Variants in PLEKHM3 observed in about 807,000 individuals in gnomAD.
The protein encoded by PLEKHM3 is pleckstrin homology domain-containing family M member 3.
A neutral mutation model predicts 81.8 loss-of-function variants in PLEKHM3; 45 were observed. The ratio of observed to expected loss-of-function variants is 0.55; its 90% CI spans 0.43 to 0.71. PLEKHM3 has a LOEUF of 0.71. Ranked by LOEUF, PLEKHM3 falls within the 30% of genes least tolerant of loss-of-function variation. The pLI is 0.00. For missense variants in PLEKHM3, 788 were observed against 924.3 expected (o/e 0.85, Z 1.91); for synonymous variants, 352 against 356.4 (o/e 0.99, Z 0.14).
rs149084184 is a variant in PLEKHM3, at chr2:207,855,200, G to T, written c.2108+5905C>A. On this transcript the variant is annotated intron_variant, in intron 7 of 7. Transcript: ENST00000427836. ...GCATCTGGTAGTGCTGGAAAGTAAG[G>T]AAATGCTGAAAACCAAACCAAACCA... 1.0e-2 allele frequency among the ~76,000 whole-genome samples: 1,518 copies of T among 152,026 alleles called. 13 individuals are homozygous for T. The highest frequency in any genetic ancestry group is 0.016 in the Non-Finnish European group (1,104 of 67,982).
At chr2:207,948,446 T>G (rs1690214178) in intron 3 of PLEKHM3, among the ~76,000 whole-genome samples, 1 of 144,858 alleles carries the variant, frequency 6.9e-6, no homozygotes, top group South Asian at 2.3e-4. Flanking sequence ...AACTCCACCT[T>G]CCGGGTTCAA....
intron 3 of PLEKHM3, among the ~76,000 whole-genome samples, chr2:207,962,057 A>G (rs1690753129): frequency 6.6e-6 from 1 of 152,168 alleles, no homozygotes; most frequent in African/African-American, 2.4e-5. Flanking sequence ...AGTGATATGA[A>G]TATCTTTGTT....
chr2:207,978,803 C>A (rs1559267248), intron 2 of PLEKHM3, among the ~76,000 whole-genome samples: 1 of 152,192 alleles, frequency 6.6e-6, no homozygotes, highest in Non-Finnish European at 1.5e-5. Flanking sequence ...ATGCCTGAGT[C>A]AGTATCAGGT....
At chr2:207,975,150 C>T (rs1243508255) in intron 3 of PLEKHM3, among the ~76,000 whole-genome samples, 2 of 149,996 alleles carry the variant, frequency 1.3e-5, no homozygotes, top group African/African-American at 2.5e-5. Context: ...TTAACTGGCT[C>T]AGTGTTTCTG....
chr2:207,979,344 G>A (rs1691441086), intron 2 of PLEKHM3, among the ~76,000 whole-genome samples: 1 of 152,058 alleles, frequency 6.6e-6, no homozygotes, highest in Non-Finnish European at 1.5e-5. Flanking sequence ...AGACCAGCCT[G>A]GCCAACATGG....
Position 208,012,048 on chromosome 2 carries a change from T to C in PLEKHM3, c.-318-10091A>G, listed in dbSNP as rs144535301. Reference sequence around the variant, plus strand: ...CTGATAAACTTCTTTATTTTATTTATTTATTGTTTTTGAGACGGAGTCTCG... The same window carrying C: ...CTGATAAACTTCTTTATTTTATTTACTTATTGTTTTTGAGACGGAGTCTCG... On this transcript the variant is annotated intron_variant, in intron 1 of 7. Transcript: ENST00000427836. Among the ~76,000 whole-genome samples, 689 of 152,088 alleles carry C rather than the reference T, an allele frequency of 4.5e-3. 5 individuals carry two copies. Among genetic ancestry groups the C allele is most frequent in the African/African-American group, 0.016 (657 of 41,466 alleles).
Position 207,828,266 on chromosome 2 carries a change from T to G in PLEKHM3, c.*53A>C. 6.4e-7 allele frequency: 1 copy of G among 1,570,662 alleles called. No individual in the cohort carries two copies. Among genetic ancestry groups the G allele is most frequent in the Non-Finnish European group, 8.6e-7 (1 of 1,156,836 alleles). On this transcript the variant is annotated 3_prime_UTR_variant, in exon 8 of 8. Transcript: ENST00000427836. ...TAACTGGCTAGTTAGGAGGCCGCTC[T>G]GGGGCTGATGGATTGTTGATTGGTG...
intron 1 of PLEKHM3, among the ~76,000 whole-genome samples, chr2:208,020,849 G>C (rs374629795): frequency 4.5e-4 from 68 of 152,316 alleles, no homozygotes; most frequent in African/African-American, 1.5e-3. Context: ...TTGGAGGAGA[G>C]GGTGAGGTGA....
At chr2:207,959,897 A>G (rs752982479) in intron 3 of PLEKHM3, among the ~76,000 whole-genome samples, 11 of 152,162 alleles carry the variant, frequency 7.2e-5, no homozygotes, top group Non-Finnish European at 1.2e-4. Flanking sequence ...GTTGTACAAG[A>G]TTTAGGGACT....
chr2:207,913,896 TAC>T (rs1431846413), intron 5 of PLEKHM3, among the ~76,000 whole-genome samples: 2 of 151,604 alleles, frequency 1.3e-5, no homozygotes, highest in Non-Finnish European at 2.9e-5. Context: ...CTCTTTCAAA[TAC>T]ACACATTTGC....
intron 6 of PLEKHM3, among the ~76,000 whole-genome samples, chr2:207,884,292 T>C (rs1432438459): frequency 6.6e-6 from 1 of 152,212 alleles, no homozygotes; most frequent in Non-Finnish European, 1.5e-5. Context: ...ATACGATGTC[T>C]GCTCTCACCA....
At chr2:207,879,846 C>A (rs2092577655) in intron 6 of PLEKHM3, among the ~76,000 whole-genome samples, 1 of 152,098 alleles carries the variant, frequency 6.6e-6, no homozygotes, top group South Asian at 2.1e-4. Flanking sequence ...AGCTGACATT[C>A]TTGTTGATTA....
At chr2:207,870,185 C>T (rs1444970354) in intron 6 of PLEKHM3, among the ~76,000 whole-genome samples, 1 of 152,160 alleles carries the variant, frequency 6.6e-6, no homozygotes, top group African/African-American at 2.4e-5. Flanking sequence ...ACTCCCTCAG[C>T]ACCACCACAA....
At chr2:207,972,980 C>T (rs1319775833) in intron 3 of PLEKHM3, among the ~76,000 whole-genome samples, 1 of 152,178 alleles carries the variant, frequency 6.6e-6, no homozygotes, top group Non-Finnish European at 1.5e-5. Flanking sequence ...TCTTCCACTT[C>T]TAAAGTTTAT....
At chr2:207,907,347 C>A (rs1483907671) in intron 6 of PLEKHM3, among the ~76,000 whole-genome samples, 1 of 151,866 alleles carries the variant, frequency 6.6e-6, no homozygotes, top group Non-Finnish European at 1.5e-5. Context: ...ACTAAAAATA[C>A]AAAAATTAGC....
chr2:207,962,150 T>C (rs531577181), intron 3 of PLEKHM3, among the ~76,000 whole-genome samples: 3 of 151,864 alleles, frequency 2.0e-5, no homozygotes, highest in African/African-American at 7.2e-5. Flanking sequence ...GAATGGGGGG[T>C]GGTCAACAGA....
intron 1 of PLEKHM3, among the ~76,000 whole-genome samples, chr2:208,005,198 C>T (rs1031611962): frequency 2.0e-5 from 3 of 152,196 alleles, no homozygotes; most frequent in African/African-American, 7.2e-5. Context: ...TCAGTTTCCT[C>T]TATGTAACAT....
intron 6 of PLEKHM3, among the ~76,000 whole-genome samples, chr2:207,877,450 T>G (rs2092564833): frequency 6.6e-6 from 1 of 152,154 alleles, no homozygotes; most frequent in African/African-American, 2.4e-5. Flanking sequence ...GGGGCAGAAT[T>G]TTGTAGGAGT....
At chr2:207,863,140 G>A (rs1177620085) in intron 6 of PLEKHM3, among the ~76,000 whole-genome samples, 1 of 152,232 alleles carries the variant, frequency 6.6e-6, no homozygotes, top group Non-Finnish European at 1.5e-5. Flanking sequence ...ATTTCTTCGA[G>A]GTCCAAGGCC....
Sources: allele counts gnomAD v4.1 joint callset (sites outside exome capture counted in the v4.1 genomes callset), GRCh38; gene constraint gnomAD v4.1.1; transcripts MANE v1.5; gene names NCBI Gene and HGNC (gene_info 2026-07-23, HGNC 2026-07-21).